The following GABRA3 variants were observed in gnomAD, a reference collection of about 807,000 sequenced individuals.
The protein encoded by GABRA3 is gamma-aminobutyric acid receptor subunit alpha-3.
In GABRA3, 10 loss-of-function variants were observed where a neutral mutation model predicts 30.1. That is an observed-to-expected ratio of 0.33 (90% CI 0.20 to 0.56). GABRA3 has a LOEUF of 0.56. Among genes scored for constraint, GABRA3 ranks in the 20% least tolerant of loss-of-function variants. GABRA3 has a pLI of 0.89. For missense variants in GABRA3, 233 were observed against 392.0 expected (o/e 0.59, Z 3.42); for synonymous variants, 151 against 146.8 (o/e 1.03, Z -0.21).
chrX:152,398,853 G>A (rs1340121465), intron 1 of GABRA3, among the ~76,000 whole-genome samples: 4 of 111,893 alleles, frequency 3.6e-5, no homozygotes, highest in Non-Finnish European at 5.6e-5. Flanking sequence ...GAATCAGGTG[G>A]TTACAGTTAA....
chrX:152,290,966 C>T (rs1405939665), intron 3 of GABRA3, among the ~76,000 whole-genome samples: 1 of 111,676 alleles, frequency 9.0e-6, no homozygotes, highest in Non-Finnish European at 1.9e-5. Context: ...CAGCTTTGTT[C>T]TTTTGGCTTA....
chrX:152,225,439 C>T (rs1937931416), intron 5 of GABRA3, among the ~76,000 whole-genome samples: 1 of 106,961 alleles, frequency 9.3e-6, no homozygotes, highest in South Asian at 4.1e-4. Context: ...CACGCACACA[C>T]ACACACACAC....
At chrX:152,317,864 G>A (rs1939902085) in intron 3 of GABRA3, among the ~76,000 whole-genome samples, 1 of 111,336 alleles carries the variant, frequency 9.0e-6, no homozygotes, top group South Asian at 3.8e-4. Flanking sequence ...ACATCAAAAA[G>A]TCTGAAAGAG....
At chrX:152,182,693 GTA>G (rs1937190693) in intron 9 of GABRA3, among the ~76,000 whole-genome samples, 4 of 37,543 alleles carry the variant, frequency 1.1e-4, no homozygotes, top group Non-Finnish European at 1.5e-4. Flanking sequence ...CACTATATAT[GTA>G]TATATAGTGT....
At chrX:152,272,943 G>A (rs747457880) in intron 4 of GABRA3, among the ~76,000 whole-genome samples, 9 of 111,438 alleles carry the variant, frequency 8.1e-5, no homozygotes, top group Non-Finnish European at 1.7e-4. Context: ...CAGTCATGCG[G>A]AACTGTGAGT....
intron 3 of GABRA3, among the ~76,000 whole-genome samples, chrX:152,312,445 G>A (rs972867335): frequency 8.9e-6 from 1 of 111,816 alleles, no homozygotes; most frequent in Admixed American, 9.5e-5. Context: ...GCAGAAGATC[G>A]AAACTATACG....
chrX:152,278,432 C>A (rs912808566), intron 4 of GABRA3, among the ~76,000 whole-genome samples: 3 of 110,990 alleles, frequency 2.7e-5, no homozygotes, highest in African/African-American at 9.8e-5. Context: ...CTACAAAGGA[C>A]ATGAACTCAT....
chrX:152,322,070 A>T (rs1311710491), intron 3 of GABRA3, among the ~76,000 whole-genome samples: 3 of 112,412 alleles, frequency 2.7e-5, no homozygotes, highest in Non-Finnish European at 5.6e-5. Context: ...ATTAGCAAAA[A>T]ATGGAAGCAC....
At chrX:152,351,226 C>T (rs2124485331) in intron 2 of GABRA3, among the ~76,000 whole-genome samples, 1 of 112,109 alleles carries the variant, frequency 8.9e-6, no homozygotes, top group Non-Finnish European at 1.9e-5. Flanking sequence ...CAAAGTCAGG[C>T]ATTTACTTCT....
At chrX:152,237,264 A>G (rs1431387705) in intron 5 of GABRA3, among the ~76,000 whole-genome samples, 3 of 110,304 alleles carry the variant, frequency 2.7e-5, no homozygotes, top group Non-Finnish European at 5.7e-5. Context: ...TCCTTTCCCC[A>G]TTTCTTGTTT....
intron 8 of GABRA3, among the ~76,000 whole-genome samples, chrX:152,191,218 TATA>T (rs1210023207): frequency 9.0e-6 from 1 of 110,788 alleles, no homozygotes; most frequent in Non-Finnish European, 1.9e-5. Flanking sequence ...ACTATATAAT[TATA>T]ATAGTATAAG....
intron 5 of GABRA3, among the ~76,000 whole-genome samples, chrX:152,233,581 CTT>C (rs1938133358): frequency 9.1e-6 from 1 of 110,034 alleles, no homozygotes; most frequent in Admixed American, 9.7e-5. Flanking sequence ...AAATAGAACT[CTT>C]TTACACTGTT....
intron 3 of GABRA3, among the ~76,000 whole-genome samples, chrX:152,333,810 T>A (rs1328329482): frequency 8.9e-6 from 1 of 111,889 alleles, no homozygotes; most frequent in African/African-American, 3.2e-5. Flanking sequence ...CATTCAGTAT[T>A]ATAAAGATTT....
intron 8 of GABRA3, among the ~76,000 whole-genome samples, chrX:152,193,347 G>T (rs1937347503): frequency 9.0e-6 from 1 of 111,674 alleles, no homozygotes; most frequent in African/African-American, 3.3e-5. Flanking sequence ...CATTCATGTT[G>T]TTGCATCTAT....
chrX:152,289,877 A>G (rs1295898353), intron 3 of GABRA3, among the ~76,000 whole-genome samples: 1 of 111,848 alleles, frequency 8.9e-6, no homozygotes, highest in African/African-American at 3.3e-5. Flanking sequence ...ATAGTATTCC[A>G]TGGTGTATAT....
intron 1 of GABRA3, among the ~76,000 whole-genome samples, chrX:152,410,796 C>A (rs1280885207): frequency 9.1e-6 from 1 of 110,365 alleles, no homozygotes; most frequent in Admixed American, 9.6e-5. Flanking sequence ...ACAAATCACA[C>A]AAAAATACAA....
rs746258101 is a variant in GABRA3 at position 152,234,673 on chromosome X, A to T, written c.552-9828T>A. Among the ~76,000 whole-genome samples the T allele has an allele frequency of 4.5e-5, 5 of 111,464 alleles. No individual in the cohort carries two copies. The South Asian group carries it at 1.9e-3, about 41-fold the overall frequency. ...TATGGTAAAAGATAGAGGTCCACTT[A>T]CCTTCTTCTGCGTATTGCAACCCAA... On this transcript the variant is annotated intron_variant, in intron 5 of 9. Transcript: ENST00000370314.
intron 5 of GABRA3, among the ~76,000 whole-genome samples, chrX:152,233,382 C>T (rs145009285): frequency 0.024 from 2,640 of 110,151 alleles, 43 homozygotes; most frequent in Middle Eastern, 0.069. Flanking sequence ...AAAAAGTGCG[C>T]GAAGGACATG....
intron 3 of GABRA3, among the ~76,000 whole-genome samples, chrX:152,329,489 C>G (rs9698088): frequency 0.066 from 7,380 of 111,502 alleles, 281 homozygotes; most frequent in East Asian, 0.12. Flanking sequence ...GTACTGGTAT[C>G]AAAACAGAGA....
Sources: gnomAD v4.1 joint callset for allele counts (sites outside exome capture counted in the v4.1 genomes callset) on GRCh38, gnomAD v4.1.1 for gene constraint, MANE v1.5 for transcripts, NCBI Gene and HGNC (gene_info 2026-07-23, HGNC 2026-07-21) for gene names.